The following ABCC11 variants were observed in gnomAD, a reference collection of about 807,000 sequenced individuals.
ABCC11 encodes ATP-binding cassette sub-family C member 11.
Under a neutral mutation model 149.3 loss-of-function variants are expected in ABCC11, and 135 were observed. That is an observed-to-expected ratio of 0.90 (90% CI 0.79 to 1.04). The LOEUF is 1.04. Ranked by LOEUF, ABCC11 falls within the 50% of genes least tolerant of loss-of-function variation. The probability of loss-of-function intolerance (pLI) is 0.00; values close to 1 mark genes in which losing one functional copy is unlikely to be tolerated. For synonymous variants in ABCC11, 665 were observed against 671.4 expected (o/e 0.99, Z 0.15); for missense variants, 1,680 against 1,722.1 (o/e 0.98, Z 0.43).
intron 13 of ABCC11, among the ~76,000 whole-genome samples, chr16:48,204,399 C>T (rs768299880): frequency 9.2e-5 from 14 of 152,084 alleles, no homozygotes; most frequent in East Asian, 3.9e-4. Context: ...ACAGGCTGAA[C>T]GAACTAGAAA....
At chr16:48,244,173 A>G (rs1971185559) in intron 1 of ABCC11, 3 of 488,208 alleles carry the variant, frequency 6.1e-6, no homozygotes, top group Non-Finnish European at 1.1e-5. Flanking sequence ...GCTTGAGTGC[A>G]CGTCTTTCCG....
intron 1 of ABCC11, chr16:48,244,364 G>GC (rs1567300898): frequency 4.0e-6 from 6 of 1,494,606 alleles, no homozygotes; most frequent in Middle Eastern, 1.7e-4. Flanking sequence ...CTTTTTGACA[G>GC]CCCCCAGTGC....
downstream of ABCC11, chr16:48,165,735 C>A (rs1965310865): frequency 6.6e-6 from 1 of 152,228 alleles, no homozygotes; most frequent in African/African-American, 2.4e-5. Flanking sequence ...GACACCATTT[C>A]ATCCCCAGCA....
intron 28 of ABCC11, among the ~76,000 whole-genome samples, chr16:48,169,063 A>AT (rs1555523010): frequency 1.3e-5 from 2 of 152,076 alleles, no homozygotes; most frequent in African/African-American, 4.8e-5. Context: ...AAATTTAAAA[A>AT]ATATATATAT....
intron 26 of ABCC11, among the ~76,000 whole-genome samples, chr16:48,172,531 AAGCCTCCCACCTCAGTCTCCTGAGT>A (rs1179299199): frequency 1.5e-4 from 23 of 151,700 alleles, no homozygotes; most frequent in African/African-American, 5.3e-4. Context: ...GGGCTCAAGC[AAGCCTCCCACCTCAGTCTCCTGAGT>A]AGCTGGAATT....
At chr16:48,223,410 C>T (rs1969875318) in intron 5 of ABCC11, 1 of 158,572 alleles carries the variant, frequency 6.3e-6, no homozygotes, top group African/African-American at 2.4e-5. Flanking sequence ...AGCCAGAGGG[C>T]AGTGGGGGTC....
At chr16:48,239,710 G>A (rs1209316080) in intron 1 of ABCC11, among the ~76,000 whole-genome samples, 2 of 151,950 alleles carry the variant, frequency 1.3e-5, no homozygotes, top group African/African-American at 4.8e-5. Flanking sequence ...CTTCTGCACA[G>A]CAAAAGAAAC....
chr16:48,236,738 A>G (rs1409576733), intron 1 of ABCC11, among the ~76,000 whole-genome samples: 1 of 152,226 alleles, frequency 6.6e-6, no homozygotes, highest in African/African-American at 2.4e-5. Context: ...CAGTGACAGG[A>G]TTGAAAGAGG....
intron 11 of ABCC11, 128 bp downstream of exon 11, chr16:48,210,820 T>G: frequency 1.5e-6 from 2 of 1,298,780 alleles, no homozygotes; most frequent in Non-Finnish European, 2.1e-6. Context: ...AAATTTGAAT[T>G]TTAAGGGGAG....
At chr16:48,202,406 T>A (rs1968065389) in intron 14 of ABCC11, among the ~76,000 whole-genome samples, 1 of 151,748 alleles carries the variant, frequency 6.6e-6, no homozygotes, top group Non-Finnish European at 1.5e-5. Flanking sequence ...AGGCCAGGAG[T>A]TTGAGACTAG....
intron 1 of ABCC11, chr16:48,244,096 G>A (rs1971177710): frequency 3.0e-6 from 1 of 330,360 alleles, no homozygotes; most frequent in South Asian, 1.3e-4. Context: ...AACACTTCAA[G>A]TATATACAAT....
intron 17 of ABCC11, among the ~76,000 whole-genome samples, chr16:48,196,703 C>T (rs1302925614): frequency 4.6e-5 from 7 of 152,184 alleles, no homozygotes; most frequent in Non-Finnish European, 1.0e-4. Flanking sequence ...TCCGAAAAAA[C>T]GGAAAGCCGA....
At position 48,214,827 on chromosome 16, in the gene ABCC11, G is replaced by T. The variant is rs17744321; in HGVS notation, c.1248+54C>A. The T allele has an allele frequency of 1.9e-6, 3 of 1,605,558 alleles. No homozygotes were observed. In the East Asian group the frequency reaches 6.7e-5, roughly 36 times the overall value. On this transcript the variant is annotated intron_variant, in intron 9 of 29. Coordinates refer to ENST00000356608, the MANE Select transcript of ABCC11 (RefSeq NM_001370497.1). ...GAGGGGCATGGCTAAAAAAGGACAC[G>T]TGAGAAAATTCCCAATCATGATGGG...
chr16:48,232,877 G>A (rs968921110), intron 1 of ABCC11, among the ~76,000 whole-genome samples: 1 of 152,104 alleles, frequency 6.6e-6, no homozygotes, highest in Admixed American at 6.6e-5. Context: ...TATGTAGTTG[G>A]TCCTGGTGTT....
At chr16:48,204,393 G>A (rs530968695) in intron 13 of ABCC11, among the ~76,000 whole-genome samples, 35 of 152,228 alleles carry the variant, frequency 2.3e-4, no homozygotes, top group African/African-American at 7.7e-4. Flanking sequence ...GAGATCACAG[G>A]CTGAACGAAC....
At chr16:48,203,799 C>T (rs542241083) in intron 13 of ABCC11, among the ~76,000 whole-genome samples, 99 of 152,146 alleles carry the variant, frequency 6.5e-4, no homozygotes, top group Non-Finnish European at 8.1e-4. Flanking sequence ...ACCAGGGAGG[C>T]GGAAAGGTTG....
At chr16:48,229,611 C>A (rs1970300728) in intron 3 of ABCC11, among the ~76,000 whole-genome samples, 3 of 148,980 alleles carry the variant, frequency 2.0e-5, no homozygotes, top group African/African-American at 7.6e-5. Flanking sequence ...ACTACAGGCG[C>A]CTGCCACCGC....
At chr16:48,221,860 G>T (rs1189642096) in intron 6 of ABCC11, among the ~76,000 whole-genome samples, 1 of 151,974 alleles carries the variant, frequency 6.6e-6, no homozygotes, top group Non-Finnish European at 1.5e-5. Context: ...TCCTGCATTA[G>T]CCTCTCAAGT....
rs12443685 is a variant in ABCC11, at chr16:48,192,568, C to T, written c.2658G>A (p.Lys886=). 0.16 allele frequency: 252,588 copies of T among 1,614,128 alleles called. 22,379 individuals are homozygous for T. Among genetic ancestry groups the T allele is most frequent in the Admixed American group, 0.35 (21,158 of 60,020 alleles). The part of the protein sequence containing the change: ...VGVCSSGIFT[K]VTRKASTALH... ...GGGCCGTGGATGCCTTCCTCGTGAC[C>T]TTGGTGAAAATCCCTGAGGAGCAGA... is the stretch of plus-strand genomic sequence containing the variant. Residue 886 remains lysine (K), a synonymous_variant, in exon 20 of 30, where the codon AAG becomes AAA. Coordinates refer to ENST00000356608, the MANE Select transcript of ABCC11 (RefSeq NM_001370497.1).
Sources: gnomAD v4.1 joint callset for allele counts (sites outside exome capture counted in the v4.1 genomes callset) on GRCh38, gnomAD v4.1.1 for gene constraint, MANE v1.5 for transcripts, NCBI Gene and HGNC (gene_info 2026-07-23, HGNC 2026-07-21) for gene names.